PPM1D: variants seen among roughly 807,000 people sequenced by gnomAD.
PPM1D encodes protein phosphatase 1D.
A neutral mutation model predicts 58.3 loss-of-function variants in PPM1D; 52 were observed. That is an observed-to-expected ratio of 0.89 (90% CI 0.71 to 1.12). PPM1D has a LOEUF of 1.12. PPM1D is among the 50% of genes most tolerant of loss of function. The pLI is 0.00. For synonymous variants in PPM1D, 278 were observed against 285.1 expected (o/e 0.98, Z 0.25); for missense variants, 564 against 777.2 (o/e 0.73, Z 3.26).
At chr17:60,660,984 C>T (rs934724742) in intron 5 of PPM1D, among the ~76,000 whole-genome samples, 1 of 151,692 alleles carries the variant, frequency 6.6e-6, no homozygotes, top group African/African-American at 2.4e-5. Context: ...GAGGCCGAGG[C>T]GGACAGATCA....
intron 3 of PPM1D, among the ~76,000 whole-genome samples, chr17:60,638,562 T>G (rs1276750183): frequency 6.6e-6 from 1 of 152,124 alleles, no homozygotes. Flanking sequence ...AGAGATGGGA[T>G]CTCACCATGT....
At chr17:60,604,116 G>A (rs1180225961) in intron 1 of PPM1D, among the ~76,000 whole-genome samples, 1 of 152,114 alleles carries the variant, frequency 6.6e-6, no homozygotes, top group African/African-American at 2.4e-5. Context: ...TTAGTTATTT[G>A]GAAAATAATG....
intron 3 of PPM1D, among the ~76,000 whole-genome samples, chr17:60,646,409 CCTCTT>C (rs2031251637): frequency 6.6e-6 from 1 of 152,084 alleles, no homozygotes; most frequent in Non-Finnish European, 1.5e-5. Context: ...GACAAAGCTT[CCTCTT>C]GTTTAACAAA....
chr17:60,620,664 C>T (rs1343570349), intron 1 of PPM1D, among the ~76,000 whole-genome samples: 2 of 151,880 alleles, frequency 1.3e-5, no homozygotes, highest in African/African-American at 4.8e-5. Context: ...TGTGCGCTAC[C>T]ATGCCTGGCT....
chr17:60,614,766 A>G (rs1196194707), intron 1 of PPM1D, among the ~76,000 whole-genome samples: 1 of 152,178 alleles, frequency 6.6e-6, no homozygotes, highest in Non-Finnish European at 1.5e-5. Context: ...GCGCAGCATT[A>G]AAAGCTGTAA....
In PPM1D at chr17:60,639,902, TC is replaced by T. The variant is rs1221388073; in HGVS notation, c.826+5926del. The stretch of plus-strand genomic sequence containing the variant: ...ATAGAAAACAACATTTTCGAAAAGT[TC>T]GGTGATAGGAAGAAGCATAGTGATA... On this transcript the variant is annotated intron_variant, in intron 3 of 5. Coordinates refer to ENST00000305921, the MANE Select transcript of PPM1D (RefSeq NM_003620.4). Among the ~76,000 whole-genome samples, 9 of 152,300 alleles carry T rather than the reference TC, an allele frequency of 5.9e-5. No homozygotes were observed. The East Asian group carries it at 1.7e-3, about 29-fold the overall frequency.
chr17:60,616,418 G>A (rs904897463), intron 1 of PPM1D, among the ~76,000 whole-genome samples: 10 of 152,126 alleles, frequency 6.6e-5, no homozygotes, highest in African/African-American at 2.4e-4. Flanking sequence ...GACCAGCCTG[G>A]CGAACATGGT....
chr17:60,650,174 G>A (rs1329855637), intron 4 of PPM1D, among the ~76,000 whole-genome samples: 1 of 152,214 alleles, frequency 6.6e-6, no homozygotes, highest in Admixed American at 6.5e-5. Flanking sequence ...TGCATAGGAA[G>A]CTTCATGGAA....
rs527912177 is a variant in PPM1D, at chr17:60,608,969, G to A, written c.472+8083G>A. 1.8e-4 allele frequency among the ~76,000 whole-genome samples: 27 copies of A among 151,608 alleles called. No homozygotes were observed. The East Asian group carries it at 2.3e-3, about 13-fold the overall frequency. ...TCACCGTGTTAGCCAGGATGGTCTC[G>A]ATCTCCTGACCTCGTGATGTGCCCT... On this transcript the variant is annotated intron_variant, in intron 1 of 5. Coordinates refer to ENST00000305921, the MANE Select transcript of PPM1D (RefSeq NM_003620.4).
At position 60,639,429 on chromosome 17, in the gene PPM1D, ATTC is replaced by A. The variant is rs552647812; in HGVS notation, c.826+5467_826+5469del. ...GCCTGGCTAAAACTGAACATTTTTA[ATTC>A]TTCTTCTTCTTCTTTTTTTTTTTGA... is the stretch of plus-strand genomic sequence containing the variant. On this transcript the variant is annotated intron_variant, in intron 3 of 5. Coordinates refer to ENST00000305921, the MANE Select transcript of PPM1D (RefSeq NM_003620.4). Among the ~76,000 whole-genome samples, 611 of 151,062 alleles carry A rather than the reference ATTC, an allele frequency of 4.0e-3. 1 individual carries two copies. The highest frequency in any genetic ancestry group is 0.01 in the Middle Eastern group (3 of 288).
rs770413280 is a variant in PPM1D at position 60,600,584 on chromosome 17, C to T, written c.170C>T (p.Ala57Val). Reference sequence around the variant, plus strand: ...TTGCCTCCGCGGCCGTCGCCGGCCGCCCTTCCCGGCGGCGAAGTCTCGGGG... The same window carrying T: ...TTGCCTCCGCGGCCGTCGCCGGCCGTCCTTCCCGGCGGCGAAGTCTCGGGG... ...QPLPPRPSPA[A>V]LPGGEVSGKG... The change falls in exon 1 of 6, where the codon GCC becomes GTC. Residue 57 changes from alanine to valine, a missense_variant. By Grantham distance (64) the Ala-to-Val change is moderately conservative (BLOSUM62 0). Coordinates refer to ENST00000305921, the MANE Select transcript of PPM1D (RefSeq NM_003620.4). 1.3e-5 allele frequency: 20 copies of T among 1,554,402 alleles called. 1 individual carries two copies. In the South Asian group the frequency reaches 2.2e-4, roughly 17 times the overall value.
chr17:60,622,014 C>T (rs1319077053), intron 1 of PPM1D, among the ~76,000 whole-genome samples: 3 of 150,966 alleles, frequency 2.0e-5, no homozygotes, highest in African/African-American at 4.9e-5. Context: ...AGTGAAACCC[C>T]GTCTCTACTA....
chr17:60,601,028 C>T, intron 1 of PPM1D, 142 bp downstream of exon 1: 4 of 1,278,844 alleles, frequency 3.1e-6, no homozygotes, highest in East Asian at 2.6e-5. Context: ...TGTAATAGCG[C>T]TTTGCTGGGT....
At chr17:60,652,560 T>G (rs1314230219) in intron 4 of PPM1D, among the ~76,000 whole-genome samples, 1 of 145,816 alleles carries the variant, frequency 6.9e-6, no homozygotes, top group Non-Finnish European at 1.5e-5. Context: ...GTTTTTTTTT[T>G]TTTTTTTTTT....
At chr17:60,636,243 C>G (rs2031019724) in intron 3 of PPM1D, among the ~76,000 whole-genome samples, 1 of 152,024 alleles carries the variant, frequency 6.6e-6, no homozygotes, top group Admixed American at 6.6e-5. Context: ...TAAATCAAGC[C>G]CACCCTCAAG....
At chr17:60,654,538 A>T (rs190567019) in intron 4 of PPM1D, among the ~76,000 whole-genome samples, 103 of 150,514 alleles carry the variant, frequency 6.8e-4, no homozygotes, top group African/African-American at 2.3e-3. Flanking sequence ...ACTCATTTTC[A>T]TTAGTCATTT....
chr17:60,645,746 A>G (rs868734743), intron 3 of PPM1D, among the ~76,000 whole-genome samples: 17 of 150,538 alleles, frequency 1.1e-4, no homozygotes, highest in Middle Eastern at 6.9e-3. Context: ...TAGTCCTTAC[A>G]GGGAAAACTG....
chr17:60,601,147 TCC>T (rs1205376663), intron 1 of PPM1D, among the ~76,000 whole-genome samples: 1 of 152,214 alleles, frequency 6.6e-6, no homozygotes, highest in Non-Finnish European at 1.5e-5. Flanking sequence ...AGCAGTCCAC[TCC>T]CTTCCCTGCT....
Position 60,600,533 on chromosome 17 carries a change from C to T in PPM1D, c.119C>T (p.Ser40Leu). The change falls in exon 1 of 6, where the codon TCG (serine) becomes TTG (leucine). Residue 40 changes from serine (S) to leucine (L), a missense_variant. By Grantham distance (145) the Ser-to-Leu change is moderately radical. Around this residue, in one of 7 missense-constraint regions of PPM1D, gnomAD observed 132 missense variants for 150.4 expected, o/e 0.88. Coordinates refer to ENST00000305921, the MANE Select transcript of PPM1D (RefSeq NM_003620.4). ...GAACCGACGGCTGAAGAAAAGCCCT[C>T]GCCGCGGCGGTCGCTGTCTCAGCCG... Reference protein sequence around the residue: ...EPEPTAEEKPSPRRSLSQPLP... With the variant: ...EPEPTAEEKPLPRRSLSQPLP... The T allele has an allele frequency of 1.9e-6, 3 of 1,556,856 alleles. No individual in the cohort carries two copies. Among genetic ancestry groups the T allele is most frequent in the South Asian group, 1.2e-5 (1 of 84,490 alleles).
Sources: gnomAD v4.1 joint callset for allele counts (sites outside exome capture counted in the v4.1 genomes callset) on GRCh38, gnomAD v4.1.1 for gene constraint, gnomAD v4.1.1 regional missense constraint, MANE v1.5 for transcripts, NCBI Gene and HGNC (gene_info 2026-07-23, HGNC 2026-07-21) for gene names.